Variants in GYPB observed in about 807,000 individuals in gnomAD.
The protein encoded by GYPB is glycophorin B (MNS blood group).
Under a neutral mutation model 15.3 loss-of-function variants are expected in GYPB, and 13 were observed. The observed-to-expected ratio is 0.85, with a 90% confidence interval of 0.55 to 1.35. The LOEUF (loss-of-function observed/expected upper bound fraction) is 1.35, where lower values mean the gene tolerates loss of function less well. Among genes scored for constraint, GYPB ranks in the 40% most tolerant of loss-of-function variants. The pLI, the probability that GYPB is intolerant of heterozygous loss-of-function variation, is 0.00. For missense variants in GYPB, 131 were observed against 108.3 expected, an observed-to-expected ratio of 1.21 and a Z score of -0.93; for synonymous variants, 38 against 36.9, an observed-to-expected ratio of 1.03 and a Z score of -0.11.
intron 1 of GYPB, among the ~76,000 whole-genome samples, chr4:144,003,888 C>G (rs1727745453): frequency 6.6e-6 from 1 of 151,422 alleles, no homozygotes; most frequent in African/African-American, 2.5e-5. Flanking sequence ...CATAATGCCT[C>G]TCTTTCCAGC....
chr4:144,007,939 A>G (rs1470743717), intron 1 of GYPB, among the ~76,000 whole-genome samples: 4 of 151,596 alleles, frequency 2.6e-5, no homozygotes, highest in East Asian at 1.9e-4. Context: ...TGCCTGGCTT[A>G]GAATGGATGT....
In GYPB at chr4:144,019,123, A is replaced by G. The variant is rs562628493; in HGVS notation, c.37+128T>C. The G allele has an allele frequency of 2.6e-4, 375 of 1,442,250 alleles. 6 individuals are homozygous for G. The East Asian group carries it at 8.8e-3, about 34-fold the overall frequency. The allele number at this position is 1,442,250 out of a possible 1,614,324, so 89.3% of individuals were successfully genotyped here. A position where few individuals can be genotyped will look rare whatever the true frequency, so the allele number is the denominator to read the frequency against. On this transcript the variant is annotated intron_variant, in intron 1 of 4. Coordinates refer to ENST00000502664, the MANE Select transcript of GYPB (RefSeq NM_002100.6). ...TGAGTTCCAGTAAAATCCATCCACC[A>G]GACTGGAAGAGGAAATACTACTCAT... is the stretch of plus-strand genomic sequence containing the variant.
chr4:143,997,658 A>G, intron 3 of GYPB, 24 bp from the exon 4 acceptor site: 1 of 1,187,528 alleles, frequency 8.4e-7, no homozygotes, highest in Non-Finnish European at 1.3e-6. Context: ...CAAAATTATG[A>G]AAGTCTGAAA....
chr4:144,016,518 A>G (rs973938279), intron 1 of GYPB, among the ~76,000 whole-genome samples: 1 of 150,576 alleles, frequency 6.6e-6, no homozygotes, highest in African/African-American at 2.5e-5. Flanking sequence ...ATAAATACCA[A>G]TCGGGAACTG....
intron 1 of GYPB, among the ~76,000 whole-genome samples, chr4:144,011,361 C>G (rs1483142102): frequency 6.6e-6 from 1 of 151,290 alleles, no homozygotes; most frequent in Non-Finnish European, 1.5e-5. Context: ...GCCTGGGCGA[C>G]AGAACGAGAC....
At chr4:144,017,030 A>C in intron 1 of GYPB, 1 of 349,662 alleles carries the variant, frequency 2.9e-6, no homozygotes, top group Admixed American at 3.9e-5. Context: ...ATCTTATTTT[A>C]ATAAGATAGT....
Position 143,997,619 on chromosome 4 carries a change from A to G in GYPB, c.191T>C (p.Ile64Thr), listed in dbSNP as rs764611674. The change falls in exon 4 of 5, where the codon ATA (isoleucine) becomes ACA (threonine). Residue 64 changes from isoleucine to threonine, a missense_variant. By Grantham distance (89) the Ile-to-Thr change is moderately conservative. Coordinates refer to ENST00000502664, the MANE Select transcript of GYPB (RefSeq NM_002100.6). ...RFTVPAPVVI[I>T]LIILCVMAGI... The stretch of plus-strand genomic sequence containing the variant: ...AGCCATCACACACAAAATAATGAGT[A>G]TTATCACTACAGGAGCTAAAGAGAG... 3.8e-6 allele frequency: 6 copies of G among 1,575,026 alleles called. No homozygotes were observed. The highest frequency in any genetic ancestry group is 4.4e-6 in the Non-Finnish European group (5 of 1,146,880).
intron 1 of GYPB, among the ~76,000 whole-genome samples, chr4:144,002,333 T>C (rs1331525415): frequency 2.6e-5 from 4 of 151,540 alleles, no homozygotes; most frequent in Admixed American, 1.3e-4. Context: ...TTTAAATATG[T>C]GTGAATATGT....
intron 1 of GYPB, among the ~76,000 whole-genome samples, chr4:144,009,601 C>CTTTTTTTTTTTTTTTTTTTTT (rs55807150): frequency 1.7e-5 from 1 of 57,782 alleles, no homozygotes; most frequent in African/African-American, 8.1e-5. Flanking sequence ...TTTTTTCTTT[C>CTTTTTTTTTTTTTTTTTTTTT]TTTTTTTTTT....
chr4:144,017,251 A>G (rs1728548935), intron 1 of GYPB, among the ~76,000 whole-genome samples: 1 of 150,678 alleles, frequency 6.6e-6, no homozygotes, highest in South Asian at 2.1e-4. Flanking sequence ...ATTTGGAAGA[A>G]GATCTCTGGT....
chr4:144,014,544 T>C (rs1176145036), intron 1 of GYPB, among the ~76,000 whole-genome samples: 2 of 151,410 alleles, frequency 1.3e-5, no homozygotes, highest in African/African-American at 2.5e-5. Context: ...GGCTACCTAT[T>C]ATATGATTCC....
At chr4:144,019,163 A>G in intron 1 of GYPB, 88 bp downstream of exon 1, 1 of 1,592,548 alleles carries the variant, frequency 6.3e-7, no homozygotes, top group Non-Finnish European at 8.6e-7. Context: ...TGATTTAAAT[A>G]AGATAGAACT....
rs368907890 is a variant in GYPB, at chr4:144,014,897, A to G, written c.37+4354T>C. ...TTATTATTATTCAGAACCTGCCTATATATGGAACCTAACCTGCTGTATATA... is the reference window on the plus strand; with the variant it reads ...TTATTATTATTCAGAACCTGCCTATGTATGGAACCTAACCTGCTGTATATA... On this transcript the variant is annotated intron_variant, in intron 1 of 4. Transcript: ENST00000502664. Among the ~76,000 whole-genome samples, 73 of 151,654 alleles carry G rather than the reference A, an allele frequency of 4.8e-4. 1 individual carries two copies. Among genetic ancestry groups the G allele is most frequent in the Middle Eastern group, 3.4e-3 (1 of 294 alleles).
intron 1 of GYPB, among the ~76,000 whole-genome samples, chr4:144,013,166 A>T (rs1406335890): frequency 6.6e-6 from 1 of 151,398 alleles, no homozygotes; most frequent in Non-Finnish European, 1.5e-5. Flanking sequence ...ACACATGAAA[A>T]AATGCTCATC....
rs561473105 is a variant in GYPB at position 144,013,087 on chromosome 4, T to G, written c.37+6164A>C. ...TTTATCCAGAACATAGAAAGAACTC[T>G]TACAACTTAGCAACAGAAAGACAAA... is the stretch of plus-strand genomic sequence containing the variant. On this transcript the variant is annotated intron_variant, in intron 1 of 4. Transcript: ENST00000502664. Among the ~76,000 whole-genome samples, 9 of 151,708 alleles carry G rather than the reference T, an allele frequency of 5.9e-5. 1 individual carries two copies. Among genetic ancestry groups the G allele is most frequent in the Admixed American group, 5.2e-4 (8 of 15,292 alleles).
intron 4 of GYPB, among the ~76,000 whole-genome samples, chr4:143,997,035 T>C (rs901026108): frequency 6.6e-6 from 1 of 151,050 alleles, no homozygotes; most frequent in African/African-American, 2.5e-5. Flanking sequence ...GCCCCCTGAA[T>C]AGCTGATACT....
intron 3 of GYPB, among the ~76,000 whole-genome samples, chr4:143,998,013 A>C (rs935082752): frequency 6.6e-5 from 10 of 151,434 alleles, no homozygotes; most frequent in African/African-American, 2.5e-4. Flanking sequence ...GAGAGAAAAC[A>C]ATGTCTTAAC....
intron 1 of GYPB, among the ~76,000 whole-genome samples, chr4:144,005,357 T>G (rs1254898899): frequency 6.6e-6 from 1 of 151,926 alleles, no homozygotes; most frequent in Admixed American, 6.5e-5. Flanking sequence ...AATGTTTTAG[T>G]ATATTAGTCA....
At chr4:144,017,449 G>T (rs1471914688) in intron 1 of GYPB, among the ~76,000 whole-genome samples, 3 of 150,980 alleles carry the variant, frequency 2.0e-5, no homozygotes, top group South Asian at 2.1e-4. Flanking sequence ...ATACTATAAA[G>T]TGGCCACATC....
Sources: allele counts gnomAD v4.1 joint callset (sites outside exome capture counted in the v4.1 genomes callset), GRCh38; gene constraint gnomAD v4.1.1; transcripts MANE v1.5; gene names NCBI Gene and HGNC (gene_info 2026-07-23, HGNC 2026-07-21).